MRPL52: variants seen among roughly 807,000 people sequenced by gnomAD.
The protein encoded by MRPL52 is mitochondrial ribosomal protein L52.
In MRPL52, 19 loss-of-function variants were observed where a neutral mutation model predicts 22.1. The observed-to-expected ratio is 0.86, with a 90% CI of 0.60 to 1.26. MRPL52 has a LOEUF of 1.26. MRPL52 is among the 50% of genes most tolerant of loss of function. The probability of loss-of-function intolerance (pLI) is 0.00; values close to 1 mark genes in which losing one functional copy is unlikely to be tolerated. For synonymous variants in MRPL52, 50 were observed against 57.5 expected (o/e 0.87, Z 0.59); for missense variants, 152 against 148.1 (o/e 1.03, Z -0.14).
chr14:22,834,274 CT>C lies in MRPL52; in HGVS notation c.324del (p.Lys109AsnfsTer7). The C allele has an allele frequency of 6.2e-7, 1 of 1,614,104 alleles. No homozygotes were observed. The highest frequency in any genetic ancestry group is 1.7e-4 in the Middle Eastern group (1 of 6,030). ...AGAACAAAGGAAGCAGGAAAATGCT[CT>C]TAAACCCAAAGGGGCTTCACTGAAG... ...QEEQRKQENA[L>X]KPKGASLKSP... On this transcript the variant is annotated frameshift_variant, in exon 5 of 5. Transcript: ENST00000397496. LOFTEE classifies it high-confidence loss of function.
intron 3 of MRPL52, among the ~76,000 whole-genome samples, chr14:22,832,658 A>C (rs1224741380): frequency 1.3e-5 from 2 of 152,078 alleles, no homozygotes; most frequent in African/African-American, 4.8e-5. Context: ...CTGAAGACAA[A>C]ACAGTAGATT....
Position 22,834,459 on chromosome 14 carries a change from C to T in MRPL52, c.*138C>T. On this transcript the variant is annotated 3_prime_UTR_variant, in exon 5 of 5. Coordinates refer to ENST00000397496, the MANE Select transcript of MRPL52 (RefSeq NM_180982.3). ...AAAGAGCTGGGACACCAAGAACAAG[C>T]TGTTAGATCACTGCCTGGGAGGCTT... 1 of 968,938 alleles carries T rather than the reference C, an allele frequency of 1.0e-6. No individual in the cohort carries two copies. The highest frequency in any genetic ancestry group is 1.5e-6 in the Non-Finnish European group (1 of 663,636). 60.0% of individuals were successfully genotyped at this position (968,938 alleles called of 1,614,324 possible).
chr14:22,834,344 C>T lies in MRPL52; in HGVS notation c.*23C>T. ...TAAAAAGCAACTCCTGCCTCCCTTC[C>T]TCACCCTGTCTCTGGATTTCTTTTC... On this transcript the variant is annotated 3_prime_UTR_variant, in exon 5 of 5. Transcript: ENST00000397496. 1 of 1,593,840 alleles carries T rather than the reference C, an allele frequency of 6.3e-7. No individual in the cohort carries two copies. The highest frequency in any genetic ancestry group is 8.5e-7 in the Non-Finnish European group (1 of 1,171,952).
intron 3 of MRPL52, chr14:22,831,300 T>C (rs1405638660): frequency 2.7e-6 from 1 of 371,082 alleles, no homozygotes; most frequent in Non-Finnish European, 4.9e-6. Flanking sequence ...TAACTTTTAG[T>C]AGAGACAGGC....
chr14:22,833,705 A>G (rs910652312), intron 4 of MRPL52, among the ~76,000 whole-genome samples: 3 of 152,040 alleles, frequency 2.0e-5, no homozygotes, highest in Non-Finnish European at 2.9e-5. Context: ...GCTCACTTCA[A>G]CCTACTCCCG....
chr14:22,832,917 T>C (rs1228795488), intron 3 of MRPL52, among the ~76,000 whole-genome samples: 1 of 151,988 alleles, frequency 6.6e-6, no homozygotes, highest in African/African-American at 2.4e-5. Flanking sequence ...CGGTGGCTCA[T>C]GCTTGTAATC....
Position 22,834,394 on chromosome 14 carries a change from C to G in MRPL52, c.*73C>G, listed in dbSNP as rs2039694102. 3 of 1,477,466 alleles carry G rather than the reference C, an allele frequency of 2.0e-6. No individual in the cohort carries two copies. The East Asian group carries it at 7.2e-5, about 36-fold the overall frequency. The allele number at this position is 1,477,466 out of a possible 1,614,324, so 91.5% of individuals were successfully genotyped here. On this transcript the variant is annotated 3_prime_UTR_variant, in exon 5 of 5. Transcript: ENST00000397496. ...CTATCACCTAGATGCTTCATCCAGCCAGAAGATAGCCTTCACGTTCCCCAT... is the reference window on the plus strand; with the variant it reads ...CTATCACCTAGATGCTTCATCCAGCGAGAAGATAGCCTTCACGTTCCCCAT...
At chr14:22,831,786 C>G (rs1404833128) in intron 3 of MRPL52, 1 of 152,208 alleles carries the variant, frequency 6.6e-6, no homozygotes, top group Non-Finnish European at 1.5e-5. Context: ...ATAGCAAAAG[C>G]TAGCAACACA....
At chr14:22,833,534 C>G (rs763100966) in intron 4 of MRPL52, 52 bp downstream of exon 4, 13 of 1,371,826 alleles carry the variant, frequency 9.5e-6, no homozygotes, top group Non-Finnish European at 9.4e-6. Context: ...ACATTTAAAT[C>G]ATAATTTGTC....
Position 22,834,304 on chromosome 14 carries a change from C to T in MRPL52, c.352C>T (p.Pro118Ser). 6.2e-7 allele frequency: 1 copy of T among 1,612,580 alleles called. No homozygotes were observed. Among genetic ancestry groups the T allele is most frequent in the Non-Finnish European group, 8.5e-7 (1 of 1,179,564 alleles). Residue 118 changes from proline (P) to serine (S), a missense_variant, in exon 5 of 5, where the codon CCA becomes TCA. Coordinates refer to ENST00000397496, the MANE Select transcript of MRPL52 (RefSeq NM_180982.3). ...LKPKGASLKSPLPSQ is the reference protein window; with the variant it reads ...LKPKGASLKSSLPSQ ...ACCCAAAGGGGCTTCACTGAAGAGC[C>T]CACTTCCAAGTCAATAAAAAGCAAC...
chr14:22,831,208 G>A lies in MRPL52; in HGVS notation c.154+954G>A. Reference sequence around the variant, plus strand: ...GCTCACTGCAGCCTTGATCTCCTGGGCTCAAGCAGTCCTCCCACCTCAGCC... The same window carrying A: ...GCTCACTGCAGCCTTGATCTCCTGGACTCAAGCAGTCCTCCCACCTCAGCC... On this transcript the variant is annotated intron_variant, in intron 3 of 4. Coordinates refer to ENST00000397496, the MANE Select transcript of MRPL52 (RefSeq NM_180982.3). The A allele has an allele frequency of 3.8e-6, 2 of 524,512 alleles. 1 individual carries two copies. Among genetic ancestry groups the A allele is most frequent in the South Asian group, 4.9e-5 (2 of 41,096 alleles). The allele number at this position is 524,512 out of a possible 1,614,324, so 32.5% of individuals were successfully genotyped here.
intron 4 of MRPL52, 133 bp from the exon 5 acceptor site, chr14:22,834,039 C>G: frequency 1.0e-6 from 1 of 1,003,116 alleles, no homozygotes; most frequent in Non-Finnish European, 1.4e-6. Flanking sequence ...GCTTCCCAAG[C>G]CAGAACTCGC....
rs1239383033 is a variant in MRPL52 at position 22,830,650 on chromosome 14, C to T, written c.154+396C>T. On this transcript the variant is annotated intron_variant, in intron 3 of 4. Transcript: ENST00000397496. ...CTCTTTGAAAAGCTGCAGAAATAAGCGTCTCAGAGGGGTAGAAGGATGAAG... is the reference window on the plus strand; with the variant it reads ...CTCTTTGAAAAGCTGCAGAAATAAGTGTCTCAGAGGGGTAGAAGGATGAAG... The T allele has an allele frequency of 6.3e-5, 24 of 380,004 alleles. No homozygotes were observed. The East Asian group carries it at 1.2e-3, about 19-fold the overall frequency. The allele number at this position is 380,004 out of a possible 1,614,324, so 23.5% of individuals were successfully genotyped here. A position where few individuals can be genotyped will look rare whatever the true frequency, so the allele number is the denominator to read the frequency against.
At position 22,833,242 on chromosome 14, in the gene MRPL52, T is replaced by TA. The variant is rs1294742103; in HGVS notation, c.155-175dup. ...ATATGTCTAGGAGCTTATTCTGGGT[T>TA]ATCGTACCTCACCCTTGAAGATGAT... On this transcript the variant is annotated intron_variant, in intron 3 of 4. Coordinates refer to ENST00000397496, the MANE Select transcript of MRPL52 (RefSeq NM_180982.3). The TA allele has an allele frequency of 1.1e-4, 64 of 585,804 alleles. No individual in the cohort carries two copies. The East Asian group carries it at 1.8e-3, about 16-fold the overall frequency. 36.3% of individuals were successfully genotyped at this position (585,804 alleles called of 1,614,324 possible).
At position 22,830,204 on chromosome 14, in the gene MRPL52, A is replaced by AC; in HGVS notation, c.108dup (p.Ser37LeufsTer32). 1 of 1,614,020 alleles carries AC rather than the reference A, an allele frequency of 6.2e-7. No homozygotes were observed. Among genetic ancestry groups the AC allele is most frequent in the South Asian group, 1.1e-5 (1 of 91,070 alleles). On this transcript the variant is annotated frameshift_variant, in exon 3 of 5. Transcript: ENST00000397496. LOFTEE classifies it high-confidence loss of function. ...CCACACAGGCAGGGACTGGCTGCCA[A>AC]CCCCTCCGGCTACGGGCCCCTTACC...
chr14:22,834,481 G>A lies in MRPL52; in HGVS notation c.*160G>A, dbSNP rs2039696054. On this transcript the variant is annotated 3_prime_UTR_variant, in exon 5 of 5. Transcript: ENST00000397496. The stretch of plus-strand genomic sequence containing the variant: ...AAGCTGTTAGATCACTGCCTGGGAG[G>A]CTTGGCTTAGTACTCTCATCTCTGG... 8 of 806,082 alleles carry A rather than the reference G, an allele frequency of 9.9e-6. No individual in the cohort carries two copies. The highest frequency in any genetic ancestry group is 1.5e-5 in the Non-Finnish European group (8 of 520,302). 49.9% of individuals were successfully genotyped at this position (806,082 alleles called of 1,614,324 possible).
chr14:22,831,661 G>GT (rs2039622388), intron 3 of MRPL52: 1 of 152,162 alleles, frequency 6.6e-6, no homozygotes, highest in Admixed American at 6.5e-5. Flanking sequence ...TTTTCACTCT[G>GT]TTTCTTTCTT....
chr14:22,830,143 A>C, intron 2 of MRPL52, 33 bp downstream of exon 2: 4 of 1,614,178 alleles, frequency 2.5e-6, no homozygotes, highest in Non-Finnish European at 3.4e-6. Context: ...CTGGGGGACC[A>C]GAAGCTGGGC....
chr14:22,832,689 A>G (rs564080845), intron 3 of MRPL52, among the ~76,000 whole-genome samples: 2 of 152,216 alleles, frequency 1.3e-5, no homozygotes, highest in Admixed American at 6.5e-5. Flanking sequence ...GAGGACCTCA[A>G]ATACAAGGCT....
Sources: allele counts gnomAD v4.1 joint callset (sites outside exome capture counted in the v4.1 genomes callset), GRCh38; gene constraint gnomAD v4.1.1; transcripts MANE v1.5; gene names NCBI Gene and HGNC (gene_info 2026-07-23, HGNC 2026-07-21).